The following AUTS2 variants were observed in gnomAD, a reference collection of about 807,000 sequenced individuals.
AUTS2 encodes autism susceptibility gene 2 protein.
Under a neutral mutation model 112.4 loss-of-function variants are expected in AUTS2, and 17 were observed. The observed-to-expected ratio is 0.15, with a 90% confidence interval of 0.10 to 0.23. AUTS2 has a LOEUF of 0.23. Ranked by LOEUF, AUTS2 falls within the 10% of genes least tolerant of loss-of-function variation. The probability of loss-of-function intolerance (pLI) is 1.00; values close to 1 mark genes in which losing one functional copy is unlikely to be tolerated. For missense variants in AUTS2, 1,510 were observed against 1,701.6 expected (o/e 0.89, Z 1.98); for synonymous variants, 751 against 702.7 (o/e 1.07, Z -1.09).
chr7:70,425,382 G>A (rs1182306460), intron 4 of AUTS2, among the ~76,000 whole-genome samples: 1 of 152,220 alleles, frequency 6.6e-6, no homozygotes, highest in Non-Finnish European at 1.5e-5. Context: ...ATTCAAGCCA[G>A]ACTGGCTGTT....
intron 4 of AUTS2, among the ~76,000 whole-genome samples, chr7:70,358,242 T>C (rs796862753): frequency 1.3e-5 from 2 of 152,356 alleles, no homozygotes; most frequent in African/African-American, 4.8e-5. Context: ...CAGACCCAAA[T>C]GGAGGGAAAG....
intron 1 of AUTS2, among the ~76,000 whole-genome samples, chr7:69,885,635 G>A (rs1461399800): frequency 2.0e-5 from 3 of 152,194 alleles, no homozygotes; most frequent in Non-Finnish European, 4.4e-5. Context: ...TTAGAGCCAA[G>A]GGACTCTGGG....
intron 1 of AUTS2, among the ~76,000 whole-genome samples, chr7:69,653,711 C>T (rs1345513157): frequency 1.3e-5 from 2 of 150,472 alleles, no homozygotes; most frequent in East Asian, 4.0e-4. Flanking sequence ...TTCACGATTA[C>T]CTACTTTTCA....
At chr7:70,012,437 G>A (rs766406978) in intron 2 of AUTS2, among the ~76,000 whole-genome samples, 9 of 152,156 alleles carry the variant, frequency 5.9e-5, no homozygotes, top group Non-Finnish European at 1.3e-4. Flanking sequence ...AAAAATATGG[G>A]TCTTTATGGT....
intron 2 of AUTS2, among the ~76,000 whole-genome samples, chr7:70,006,643 C>A (rs1260186399): frequency 2.0e-5 from 3 of 152,110 alleles, no homozygotes; most frequent in African/African-American, 7.2e-5. Context: ...TTTGATAATC[C>A]TCGCCCAACT....
intron 1 of AUTS2, among the ~76,000 whole-genome samples, chr7:69,623,764 GAAA>G (rs1793798871): frequency 6.6e-6 from 1 of 151,998 alleles, no homozygotes; most frequent in Non-Finnish European, 1.5e-5. Flanking sequence ...ACACATCCTG[GAAA>G]AAGTGTAGTG....
intron 5 of AUTS2, among the ~76,000 whole-genome samples, chr7:70,630,347 G>A (rs529010110): frequency 5.3e-5 from 8 of 152,274 alleles, no homozygotes; most frequent in Admixed American, 3.3e-4. Flanking sequence ...TGCTCCAAAT[G>A]TACATAACTA....
chr7:69,904,017 TC>T (rs1357888977), intron 2 of AUTS2, among the ~76,000 whole-genome samples: 1 of 152,200 alleles, frequency 6.6e-6, no homozygotes, highest in Non-Finnish European at 1.5e-5. Context: ...AGAAGAGGAA[TC>T]CATCCCAGTG....
At chr7:70,011,821 C>A (rs1799819030) in intron 2 of AUTS2, among the ~76,000 whole-genome samples, 1 of 152,156 alleles carries the variant, frequency 6.6e-6, no homozygotes, top group African/African-American at 2.4e-5. Flanking sequence ...TCAGCCCTTG[C>A]TGTGGAAGGT....
chr7:69,968,379 AG>A (rs1797713848), intron 2 of AUTS2, among the ~76,000 whole-genome samples: 1 of 152,228 alleles, frequency 6.6e-6, no homozygotes, highest in Non-Finnish European at 1.5e-5. Flanking sequence ...GATGTTAAAC[AG>A]TTCCACTGTA....
intron 6 of AUTS2, among the ~76,000 whole-genome samples, chr7:70,744,042 C>T (rs1355438648): frequency 6.6e-6 from 1 of 151,876 alleles, no homozygotes; most frequent in African/African-American, 2.4e-5. Flanking sequence ...TTTCCAGCCC[C>T]GAGTGTTGGC....
intron 14 of AUTS2, among the ~76,000 whole-genome samples, chr7:70,778,382 A>G (rs1790843323): frequency 1.3e-5 from 2 of 152,218 alleles, no homozygotes; most frequent in South Asian, 4.1e-4. Flanking sequence ...CATGAAAGAA[A>G]TACAGGAGAC....
chr7:70,564,063 A>G (rs1275728133), intron 5 of AUTS2, among the ~76,000 whole-genome samples: 2 of 152,348 alleles, frequency 1.3e-5, no homozygotes, highest in East Asian at 3.9e-4. Flanking sequence ...TAAAATCACT[A>G]GGCAATGAGC....
chr7:70,168,855 C>T (rs943490647), intron 4 of AUTS2, among the ~76,000 whole-genome samples: 1 of 151,874 alleles, frequency 6.6e-6, no homozygotes, highest in Non-Finnish European at 1.5e-5. Flanking sequence ...TGATTTGTAC[C>T]AGTCACTTGT....
intron 6 of AUTS2, among the ~76,000 whole-genome samples, chr7:70,701,389 T>G (rs1809450165): frequency 6.6e-6 from 1 of 152,206 alleles, no homozygotes; most frequent in South Asian, 2.1e-4. Context: ...GGTCAAGATT[T>G]TCAATCATAA....
intron 1 of AUTS2, among the ~76,000 whole-genome samples, chr7:69,764,605 A>AAGT (rs2129290104): frequency 6.6e-6 from 1 of 152,256 alleles, no homozygotes; most frequent in Non-Finnish European, 1.5e-5. Context: ...ATATACAAAG[A>AAGT]AGTAGTACCT....
At chr7:70,343,547 A>G (rs904793792) in intron 4 of AUTS2, among the ~76,000 whole-genome samples, 3 of 152,364 alleles carry the variant, frequency 2.0e-5, no homozygotes, top group Non-Finnish European at 2.9e-5. Context: ...TAAAAGTACT[A>G]TATGATAAAT....
At position 70,763,187 on chromosome 7, in the gene AUTS2, C is replaced by T. The variant is rs1789681654; in HGVS notation, c.1060C>T (p.Pro354Ser). The change falls in exon 7 of 19, where the codon CCG (proline) becomes TCG (serine). Residue 354 changes from proline to serine, a missense_variant. Pro to Ser is a moderately conservative substitution (Grantham distance 74). This residue lies in a region of AUTS2 where 535 missense variants were observed against 594.3 expected (regional missense o/e 0.90). Transcript: ENST00000342771. ...GPPEAQLQPA[P>S]QPQVQRPPRP... ...TCCTGAGGCCCAGCTCCAGCCTGCC[C>T]CGCAGCCTCAGGTGCAGAGGCCACC... 1 of 1,614,016 alleles carries T rather than the reference C, an allele frequency of 6.2e-7. No individual in the cohort carries two copies. Among genetic ancestry groups the T allele is most frequent in the Admixed American group, 1.7e-5 (1 of 60,022 alleles).
At chr7:70,427,351 C>T (rs1795478798) in intron 4 of AUTS2, among the ~76,000 whole-genome samples, 1 of 152,188 alleles carries the variant, frequency 6.6e-6, no homozygotes, top group Admixed American at 6.5e-5. Flanking sequence ...TTGGCAACCA[C>T]TGAGGTTTGT....
Sources: allele counts gnomAD v4.1 joint callset (sites outside exome capture counted in the v4.1 genomes callset), GRCh38; gene constraint gnomAD v4.1.1; regional missense constraint gnomAD v4.1.1; transcripts MANE v1.5; gene names NCBI Gene and HGNC (gene_info 2026-07-23, HGNC 2026-07-21).